The following CSMD1 variants were observed in gnomAD, a reference collection of about 807,000 sequenced individuals.
The protein encoded by CSMD1 is CUB and sushi domain-containing protein 1.
A neutral mutation model predicts 417.5 loss-of-function variants in CSMD1; 213 were observed. That is an observed-to-expected ratio of 0.51 (90% CI 0.46 to 0.57). CSMD1 has a LOEUF of 0.57. Among genes scored for constraint, CSMD1 ranks in the 20% least tolerant of loss-of-function variants. The pLI is 0.00. For synonymous variants in CSMD1, 2,862 were observed against 1,736.8 expected (o/e 1.65, Z -16.11); for missense variants, 6,923 against 4,529.7 (o/e 1.53, Z -15.17).
At chr8:3,557,541 G>C (rs532698646) in intron 10 of CSMD1, among the ~76,000 whole-genome samples, 2 of 152,176 alleles carry the variant, frequency 1.3e-5, no homozygotes, top group South Asian at 2.1e-4. Context: ...TTTAAAAAGA[G>C]GCACAGTGTT....
intron 12 of CSMD1, among the ~76,000 whole-genome samples, chr8:3,456,543 G>C (rs990499206): frequency 9.9e-5 from 15 of 152,162 alleles, no homozygotes; most frequent in Non-Finnish European, 1.9e-4. Context: ...AGTTGGCGCA[G>C]TTTTTCACTT....
At chr8:4,739,675 C>G (rs1037849812) in intron 1 of CSMD1, among the ~76,000 whole-genome samples, 7 of 152,178 alleles carry the variant, frequency 4.6e-5, no homozygotes, top group Admixed American at 3.9e-4. Context: ...CACTTTGTGT[C>G]TATCACTTTT....
chr8:4,880,158 C>G (rs1244895063), intron 1 of CSMD1, among the ~76,000 whole-genome samples: 5 of 151,762 alleles, frequency 3.3e-5, no homozygotes, highest in Non-Finnish European at 7.4e-5. Context: ...GATATGTTTC[C>G]CAGACATGTG....
rs183939377 is a variant in CSMD1, at chr8:4,150,963, G to C, written c.416-118864C>G. On this transcript the variant is annotated intron_variant, in intron 3 of 69. Coordinates refer to ENST00000635120, the MANE Select transcript of CSMD1 (RefSeq NM_033225.6). ...TGCAACGTCCAAACTTTCAGTAAAA[G>C]TCTTCCAGATACAGGACTAGACATT... 4.6e-5 allele frequency among the ~76,000 whole-genome samples: 7 copies of C among 152,280 alleles called. No individual in the cohort carries two copies. The East Asian group carries it at 1.4e-3, about 29-fold the overall frequency.
Position 3,409,610 on chromosome 8 carries a change from A to T in CSMD1, c.1562-5T>A. ...CACACCCTCCCTTTTCAATTTCTGA[A>T]AATGGAAAAACAAATGAACCCTTAA... On this transcript the variant is annotated splice_polypyrimidine_tract_variant and splice_region_variant and intron_variant, in intron 12 of 69. Transcript: ENST00000635120. 1 of 1,572,242 alleles carries T rather than the reference A, an allele frequency of 6.4e-7. No individual in the cohort carries two copies. Among genetic ancestry groups the T allele is most frequent in the Non-Finnish European group, 8.7e-7 (1 of 1,154,738 alleles).
chr8:4,349,487 G>A (rs1584939302), intron 3 of CSMD1, among the ~76,000 whole-genome samples: 1 of 152,102 alleles, frequency 6.6e-6, no homozygotes, highest in South Asian at 2.1e-4. Context: ...AAAATGGAGA[G>A]CTCTATCTAG....
chr8:3,695,818 A>G (rs137926077), intron 7 of CSMD1, among the ~76,000 whole-genome samples: 1 of 152,314 alleles, frequency 6.6e-6, no homozygotes, highest in East Asian at 1.9e-4. Flanking sequence ...CACTTTTCCA[A>G]CTTAAAATAG....
chr8:4,180,501 A>G (rs939198185), intron 3 of CSMD1, among the ~76,000 whole-genome samples: 12 of 151,790 alleles, frequency 7.9e-5, no homozygotes, highest in East Asian at 1.9e-4. Context: ...TGGGTGCAGC[A>G]CACCAGCATG....
At chr8:3,022,807 T>C (rs1422610781) in intron 51 of CSMD1, among the ~76,000 whole-genome samples, 3 of 152,086 alleles carry the variant, frequency 2.0e-5, no homozygotes, top group Non-Finnish European at 4.4e-5. Context: ...ACAATGGCTG[T>C]TTGCAAATAC....
At chr8:3,599,404 C>T (rs1006463458) in intron 8 of CSMD1, among the ~76,000 whole-genome samples, 5 of 151,886 alleles carry the variant, frequency 3.3e-5, no homozygotes, top group Admixed American at 3.3e-4. Context: ...CATTATTCAC[C>T]ACAATATAGC....
chr8:3,638,157 G>A (rs1418847232), intron 7 of CSMD1, among the ~76,000 whole-genome samples: 1 of 152,252 alleles, frequency 6.6e-6, no homozygotes, highest in African/African-American at 2.4e-5. Context: ...GCCCCTCACT[G>A]ATGTTTCCTT....
At chr8:2,994,378 C>A (rs1263927924) in intron 54 of CSMD1, among the ~76,000 whole-genome samples, 1 of 152,008 alleles carries the variant, frequency 6.6e-6, no homozygotes, top group Non-Finnish European at 1.5e-5. Flanking sequence ...ATTCTTTCCC[C>A]ACACACAGAA....
intron 10 of CSMD1, among the ~76,000 whole-genome samples, chr8:3,507,115 T>C (rs368318702): frequency 1.3e-5 from 2 of 152,180 alleles, no homozygotes; most frequent in Admixed American, 1.3e-4. Context: ...ATAAAAATCA[T>C]AGAAATTGAA....
At chr8:4,418,331 C>T (rs1382720844) in intron 3 of CSMD1, among the ~76,000 whole-genome samples, 1 of 151,902 alleles carries the variant, frequency 6.6e-6, no homozygotes, top group Non-Finnish European at 1.5e-5. Context: ...AATATTTTTC[C>T]AACATAGACA....
chr8:3,643,700 CAAAA>C (rs66500235), intron 7 of CSMD1, among the ~76,000 whole-genome samples: 177 of 85,304 alleles, frequency 2.1e-3, no homozygotes, highest in Non-Finnish European at 2.7e-3. Flanking sequence ...GACTCCGTCT[CAAAA>C]AAAAAAAAAA....
At chr8:3,842,694 CA>C (rs997274285) in intron 5 of CSMD1, among the ~76,000 whole-genome samples, 3 of 151,306 alleles carry the variant, frequency 2.0e-5, no homozygotes, top group African/African-American at 7.3e-5. Context: ...AAACTAAAAC[CA>C]AACTAATGAG....
At chr8:4,345,538 GA>G (rs1800730687) in intron 3 of CSMD1, among the ~76,000 whole-genome samples, 1 of 151,954 alleles carries the variant, frequency 6.6e-6, no homozygotes, top group Admixed American at 6.6e-5. Context: ...CAGAATGGGG[GA>G]AATATATGCA....
At chr8:4,161,305 A>G (rs1797146234) in intron 3 of CSMD1, among the ~76,000 whole-genome samples, 1 of 152,236 alleles carries the variant, frequency 6.6e-6, no homozygotes, top group African/African-American at 2.4e-5. Context: ...ATAATTGATA[A>G]GAAACAGTAA....
At chr8:4,318,734 C>G (rs1205660869) in intron 3 of CSMD1, among the ~76,000 whole-genome samples, 1 of 149,056 alleles carries the variant, frequency 6.7e-6, no homozygotes, top group African/African-American at 2.5e-5. Context: ...AAAAGCCACT[C>G]TCTGTACTGG....
Sources: allele counts gnomAD v4.1 joint callset (sites outside exome capture counted in the v4.1 genomes callset), GRCh38; gene constraint gnomAD v4.1.1; transcripts MANE v1.5; gene names NCBI Gene and HGNC (gene_info 2026-07-23, HGNC 2026-07-21).